The following LRRC37A2 variants were observed in gnomAD, a reference collection of about 807,000 sequenced individuals.
LRRC37A2 encodes the protein leucine rich repeat containing 37 member A2.
A neutral mutation model predicts 68.8 loss-of-function variants in LRRC37A2; 9 were observed. The observed-to-expected ratio is 0.13, with a 90% CI of 0.08 to 0.23. The LOEUF is 0.23. Among genes scored for constraint, LRRC37A2 ranks in the 10% least tolerant of loss-of-function variants. The pLI is 1.00. For missense variants in LRRC37A2, 168 were observed against 950.4 expected (o/e 0.18, Z 10.82); for synonymous variants, 63 against 367.6 (o/e 0.17, Z 9.48).
chr17:46,722,301 T>C, the LRRC37A2 span: 9 of 757,684 alleles, frequency 1.2e-5, no homozygotes, highest in Admixed American at 2.0e-5. Flanking sequence ...CCTTCTTACC[T>C]CCAGCCTCAG....
chr17:46,714,049 T>TATA, the LRRC37A2 span: 2 of 1,506,784 alleles, frequency 1.3e-6, no homozygotes, highest in East Asian at 4.6e-5. Context: ...TGTGCACATA[T>TATA]ATATGCCTTT....
the LRRC37A2 span, among the ~76,000 whole-genome samples, chr17:46,896,366 AG>A: frequency 2.0e-5 from 3 of 148,806 alleles, no homozygotes; most frequent in African/African-American, 7.4e-5. Flanking sequence ...AAAGAAAGAA[AG>A]AGAGAGAGAG....
At chr17:46,905,054 C>T in the LRRC37A2 span, among the ~76,000 whole-genome samples, 1 of 152,098 alleles carries the variant, frequency 6.6e-6, no homozygotes, top group Non-Finnish European at 1.5e-5. Context: ...ATGGCAGCGG[C>T]CCTAGAGAAA....
the LRRC37A2 span, chr17:46,755,581 G>A: frequency 1.5e-6 from 1 of 685,838 alleles, no homozygotes; most frequent in Non-Finnish European, 2.4e-6. Context: ...TTGTCACAAT[G>A]CAGGAAAAAC....
At chr17:46,946,330 G>A in the LRRC37A2 span, among the ~76,000 whole-genome samples, 6 of 149,898 alleles carry the variant, frequency 4.0e-5, no homozygotes, top group South Asian at 2.1e-4. Flanking sequence ...GAGTGGTGGC[G>A]CATGCCTGTA....
the LRRC37A2 span, among the ~76,000 whole-genome samples, chr17:46,977,369 T>G: frequency 1.3e-5 from 2 of 152,174 alleles, no homozygotes; most frequent in Non-Finnish European, 2.9e-5. Context: ...TAGGACTAAG[T>G]GTAGTGGGGG....
chr17:46,989,216 C>T, the LRRC37A2 span, among the ~76,000 whole-genome samples: 1 of 152,176 alleles, frequency 6.6e-6, no homozygotes, highest in Non-Finnish European at 1.5e-5. Context: ...CTCCTGTCAC[C>T]TGCTTCAGGG....
the LRRC37A2 span, among the ~76,000 whole-genome samples, chr17:46,845,602 G>A: frequency 6.8e-6 from 1 of 146,622 alleles, no homozygotes; most frequent in African/African-American, 2.5e-5. Context: ...CGATTTTCCT[G>A]CCTTGGCCTC....
the LRRC37A2 span, among the ~76,000 whole-genome samples, chr17:46,929,052 A>G: frequency 1.3e-5 from 2 of 151,784 alleles, no homozygotes; most frequent in African/African-American, 2.4e-5. Flanking sequence ...ATTCCTCATT[A>G]TGTTGTTTCT....
At chr17:46,503,461 TCAA>T in the LRRC37A2 span, among the ~76,000 whole-genome samples, 9 of 140,174 alleles carry the variant, frequency 6.4e-5, no homozygotes, top group Admixed American at 7.2e-5. Flanking sequence ...CATAAACAAA[TCAA>T]CAAAGAATTA....
At chr17:46,857,079 G>A in the LRRC37A2 span, among the ~76,000 whole-genome samples, 3,743 of 152,198 alleles carry the variant, frequency 0.025, 155 homozygotes, top group African/African-American at 0.086. Context: ...CATCCATGTC[G>A]TTGAATATAG....
the LRRC37A2 span, among the ~76,000 whole-genome samples, chr17:46,994,660 G>A: frequency 6.6e-6 from 1 of 152,000 alleles, no homozygotes; most frequent in Non-Finnish European, 1.5e-5. Flanking sequence ...CCTGGGAAAA[G>A]GCAGTCCGTG....
the LRRC37A2 span, among the ~76,000 whole-genome samples, chr17:47,012,645 T>C: frequency 6.6e-6 from 1 of 152,092 alleles, no homozygotes; most frequent in African/African-American, 2.4e-5. Flanking sequence ...TTCATAACCA[T>C]CCAGGAAATG....
chr17:47,035,359 C>G, the LRRC37A2 span, among the ~76,000 whole-genome samples: 2 of 152,340 alleles, frequency 1.3e-5, no homozygotes, highest in East Asian at 1.9e-4. Context: ...AACTACTAAT[C>G]TACTTTGAGT....
At chr17:46,825,734 CAAA>C in the LRRC37A2 span, among the ~76,000 whole-genome samples, 1 of 152,172 alleles carries the variant, frequency 6.6e-6, no homozygotes. Flanking sequence ...CCTTAAAAAA[CAAA>C]ACCAGGCCAG....
chr17:46,974,987 C>CTTTTTTTT, the LRRC37A2 span, among the ~76,000 whole-genome samples: 50 of 119,058 alleles, frequency 4.2e-4, no homozygotes, highest in African/African-American at 7.7e-4. Context: ...TTACTATTTT[C>CTTTTTTTT]TTTTTTTTTT....
At chr17:46,741,161 C>T in the LRRC37A2 span, among the ~76,000 whole-genome samples, 2 of 152,100 alleles carry the variant, frequency 1.3e-5, no homozygotes, top group African/African-American at 4.8e-5. Flanking sequence ...GACATGAGAG[C>T]CTCAGACAGA....
At position 46,539,661 on chromosome 17, in the gene LRRC37A2, G is replaced by C. The variant is rs1217850947; in HGVS notation, c.2907-515G>C. ...GCCTGTAATCCCAGCTACTCGGAAG[G>C]CTGAGGCAGAACAGGAGAATCACTT... is the stretch of plus-strand genomic sequence containing the variant. On this transcript the variant is annotated intron_variant, in intron 6 of 14. Coordinates refer to ENST00000576629, the Ensembl canonical transcript of LRRC37A2. Among the ~76,000 whole-genome samples, 6 of 127,732 alleles carry C rather than the reference G, an allele frequency of 4.7e-5. No individual in the cohort carries two copies. The Admixed American group carries it at 5.2e-4, about 11-fold the overall frequency. 83.8% of individuals were successfully genotyped at this position (127,732 alleles called of 152,430 possible). A position where few individuals can be genotyped will look rare whatever the true frequency, so the allele number is the denominator to read the frequency against.
the LRRC37A2 span, among the ~76,000 whole-genome samples, chr17:46,718,487 A>T: frequency 1.3e-5 from 2 of 152,234 alleles, no homozygotes; most frequent in Non-Finnish European, 2.9e-5. Context: ...TGGTGCATGT[A>T]CTCCATAAAT....
Sources: allele counts gnomAD v4.1 joint callset (sites outside exome capture counted in the v4.1 genomes callset), GRCh38; gene constraint gnomAD v4.1.1; transcripts MANE v1.5; gene names NCBI Gene and HGNC (gene_info 2026-07-23, HGNC 2026-07-21).